Variants in STXBP5 observed in about 807,000 individuals in gnomAD.
STXBP5 encodes syntaxin-binding protein 5.
In STXBP5, 50 loss-of-function variants were observed where a neutral mutation model predicts 152.4. The ratio of observed to expected loss-of-function variants is 0.33; its 90% CI spans 0.26 to 0.42. The LOEUF is 0.42. STXBP5 is among the 10% of genes least tolerant of loss of function. The pLI is 1.00. For missense variants in STXBP5, 1,167 were observed against 1,388.6 expected (o/e 0.84, Z 2.54); for synonymous variants, 492 against 494.7 (o/e 0.99, Z 0.07).
intron 3 of STXBP5, among the ~76,000 whole-genome samples, chr6:147,237,219 T>C (rs1778321351): frequency 6.6e-6 from 1 of 152,196 alleles, no homozygotes; most frequent in South Asian, 2.1e-4. Flanking sequence ...TTAAGTATTC[T>C]TTTTCTCTTC....
chr6:147,329,988 C>A (rs985441693), intron 18 of STXBP5, among the ~76,000 whole-genome samples: 1 of 152,108 alleles, frequency 6.6e-6, no homozygotes, highest in Non-Finnish European at 1.5e-5. Context: ...CAAATAGATG[C>A]TGATATATTT....
At chr6:147,313,831 A>G (rs1014985458) in intron 11 of STXBP5, 53 bp from the exon 12 acceptor site, 3 of 1,179,486 alleles carry the variant, frequency 2.5e-6, no homozygotes, top group South Asian at 2.1e-5. Flanking sequence ...TGTATTAATC[A>G]TATGGTATAA....
intron 16 of STXBP5, among the ~76,000 whole-genome samples, chr6:147,319,734 A>G (rs186993154): frequency 2.1e-3 from 314 of 152,142 alleles, no homozygotes; most frequent in African/African-American, 7.3e-3. Context: ...AAAGACACAC[A>G]TAGGAGATTC....
Position 147,353,364 on chromosome 6 carries a change from C to A in STXBP5, c.2296C>A (p.Pro766Thr). 6.4e-7 allele frequency: 1 copy of A among 1,574,636 alleles called. No individual in the cohort carries two copies. Among genetic ancestry groups the A allele is most frequent in the South Asian group, 1.2e-5 (1 of 83,406 alleles). Residue 766 changes from proline to threonine, a missense_variant, in exon 22 of 28, where the codon CCT (proline) becomes ACT (threonine). Transcript: ENST00000321680. ...RKLSLPTDLK[P>T]DLDVKDNSFS... ...GTTAAGCTTACCTACTGACCTAAAG[C>A]CTGATTTAGGTAAGTAAAATAAATA...
intron 4 of STXBP5, among the ~76,000 whole-genome samples, chr6:147,253,021 A>C (rs1045310595): frequency 1.3e-5 from 2 of 152,202 alleles, no homozygotes; most frequent in Admixed American, 6.5e-5. Flanking sequence ...AGAAGTTTTC[A>C]AGACAGCATG....
At chr6:147,248,736 G>C (rs1405998821) in intron 4 of STXBP5, among the ~76,000 whole-genome samples, 1 of 152,154 alleles carries the variant, frequency 6.6e-6, no homozygotes, top group Non-Finnish European at 1.5e-5. Context: ...GCTATTTCTT[G>C]TTAATTAATC....
At chr6:147,291,749 G>GA (rs1407013926) in intron 9 of STXBP5, among the ~76,000 whole-genome samples, 2 of 151,770 alleles carry the variant, frequency 1.3e-5, no homozygotes, top group Admixed American at 6.6e-5. Flanking sequence ...AAAATATAAA[G>GA]AAAAAAACAT....
In STXBP5 at chr6:147,324,956, T is replaced by C; in HGVS notation, c.1803-3T>C. ...AAAGATACCATGTTTTCTTTTATTT[T>C]AGAGTTAAAAACTCACCACTTAAAC... On this transcript the variant is annotated splice_region_variant and splice_polypyrimidine_tract_variant and intron_variant, in intron 16 of 27. Transcript: ENST00000321680. 6.6e-7 allele frequency: 1 copy of C among 1,514,948 alleles called. No individual in the cohort carries two copies. Among genetic ancestry groups the C allele is most frequent in the Non-Finnish European group, 8.9e-7 (1 of 1,126,270 alleles). 93.8% of individuals were successfully genotyped at this position (1,514,948 alleles called of 1,614,324 possible).
At position 147,204,622 on chromosome 6, in the gene STXBP5, T is replaced by C. The variant is rs758958183; in HGVS notation, c.90T>C (p.Pro30=). Residue 30 remains proline (P), a synonymous_variant, in exon 1 of 28, where the codon CCT becomes CCC. Coordinates refer to ENST00000321680, the MANE Select transcript of STXBP5 (RefSeq NM_001127715.4). The surrounding 1 kb of genome is among the most constrained non-coding windows in gnomAD (Gnocchi z 4.3). ...ASQQQQQQHP[P]GNREPEIQET... is the part of the protein sequence containing the mutation. The stretch of plus-strand genomic sequence containing the variant: ...AGCAGCAACAGCAGCAGCATCCGCC[T>C]GGGAACCGGGAGCCGGAGATCCAGG... The C allele has an allele frequency of 6.2e-7, 1 of 1,610,408 alleles. No homozygotes were observed. Among genetic ancestry groups the C allele is most frequent in the Non-Finnish European group, 8.5e-7 (1 of 1,178,324 alleles).
At position 147,311,456 on chromosome 6, in the gene STXBP5, T is replaced by C. The variant is rs1782371155; in HGVS notation, c.1074T>C (p.Asp358=). Residue 358 remains aspartate, a splice_region_variant and synonymous_variant, in exon 11 of 28, where the codon GAT becomes GAC. Coordinates refer to ENST00000321680, the MANE Select transcript of STXBP5 (RefSeq NM_001127715.4). ...LTLCETPYPN[D]FQEPYAVVVL... ...AATTCATGCATTGTCCAATTCCAGA[T>C]TTTCAAGAACCATATGCTGTGGTTG... is the stretch of plus-strand genomic sequence containing the variant. 1 of 1,611,700 alleles carries C rather than the reference T, an allele frequency of 6.2e-7. No homozygotes were observed. The highest frequency in any genetic ancestry group is 8.5e-7 in the Non-Finnish European group (1 of 1,178,938).
chr6:147,296,700 C>T (rs1454679255), intron 9 of STXBP5, among the ~76,000 whole-genome samples: 1 of 151,870 alleles, frequency 6.6e-6, no homozygotes. Context: ...CAAAACTCAG[C>T]AAGATACAAG....
intron 25 of STXBP5, among the ~76,000 whole-genome samples, chr6:147,364,770 T>C (rs73018103): frequency 0.01 from 1,548 of 152,326 alleles, 12 homozygotes; most frequent in Non-Finnish European, 0.013. Context: ...TCTGGAAATA[T>C]TGAGCTAAAA....
chr6:147,220,973 G>A (rs1299897102), intron 2 of STXBP5, among the ~76,000 whole-genome samples: 1 of 151,936 alleles, frequency 6.6e-6, no homozygotes, highest in African/African-American at 2.4e-5. Context: ...TATGCCTCTT[G>A]TGGTTTTAAT....
rs753308585 is a variant in STXBP5 at position 147,359,077 on chromosome 6, A to G, written c.2306-7A>G. 2.0e-5 allele frequency: 33 copies of G among 1,610,568 alleles called. No homozygotes were observed. Among genetic ancestry groups the G allele is most frequent in the African/African-American group, 2.7e-5 (2 of 74,820 alleles). On this transcript the variant is annotated splice_region_variant and splice_polypyrimidine_tract_variant and intron_variant, in intron 22 of 27. Coordinates refer to ENST00000321680, the MANE Select transcript of STXBP5 (RefSeq NM_001127715.4). ...GAGCAATCTCACAACATTTTTAACC[A>G]TTTCAGATGTAAAGGATAACTCCTT...
At chr6:147,324,163 C>A (rs1172599302) in intron 16 of STXBP5, among the ~76,000 whole-genome samples, 1 of 151,212 alleles carries the variant, frequency 6.6e-6, no homozygotes, top group African/African-American at 2.4e-5. Context: ...CACACACACA[C>A]AAATTGCTCA....
intron 16 of STXBP5, among the ~76,000 whole-genome samples, chr6:147,320,672 TTAA>T (rs1385435965): frequency 1.3e-5 from 2 of 151,874 alleles, no homozygotes; most frequent in Non-Finnish European, 2.9e-5. Flanking sequence ...CTTACTAACT[TTAA>T]TAGATAATGT....
At chr6:147,206,113 C>G (rs1776542796) in intron 2 of STXBP5, 45 bp downstream of exon 2, 4 of 1,537,374 alleles carry the variant, frequency 2.6e-6, no homozygotes, top group Non-Finnish European at 3.6e-6. Flanking sequence ...CTTTGTTCTC[C>G]CCAGTCCTTC....
chr6:147,273,761 G>T (rs147251496), intron 7 of STXBP5, among the ~76,000 whole-genome samples: 1 of 151,950 alleles, frequency 6.6e-6, no homozygotes, highest in Non-Finnish European at 1.5e-5. Context: ...ACCATCCTGG[G>T]TAACAGGGTG....
At chr6:147,310,504 G>A (rs1782313908) in intron 10 of STXBP5, among the ~76,000 whole-genome samples, 1 of 149,858 alleles carries the variant, frequency 6.7e-6, no homozygotes, top group Non-Finnish European at 1.5e-5. Flanking sequence ...ATTCTCCATA[G>A]ACGCACACAC....
Sources: gnomAD v4.1 joint callset for allele counts (sites outside exome capture counted in the v4.1 genomes callset) on GRCh38, gnomAD v4.1.1 for gene constraint, Gnocchi (gnomAD v3.1) non-coding constraint, MANE v1.5 for transcripts, NCBI Gene and HGNC (gene_info 2026-07-23, HGNC 2026-07-21) for gene names.